The following PAK4 variants were observed in gnomAD, a reference collection of about 807,000 sequenced individuals.
PAK4 encodes the protein serine/threonine-protein kinase PAK 4.
PAK4 carries 49 observed loss-of-function variants against 53.5 expected under a neutral mutation model. That is an observed-to-expected ratio of 0.92 (90% CI 0.73 to 1.16). The LOEUF is 1.16. PAK4 is among the 50% of genes most tolerant of loss of function. The pLI is 0.00. For missense variants in PAK4, 824 were observed against 850.7 expected, an observed-to-expected ratio of 0.97 and a Z score of 0.39; for synonymous variants, 376 against 375.6, an observed-to-expected ratio of 1.00 and a Z score of -0.01.
Position 39,173,911 on chromosome 19 carries a change from C to T in PAK4, c.999C>T (p.Gly333=), listed in dbSNP as rs1381076017. 1 of 1,611,892 alleles carries T rather than the reference C, an allele frequency of 6.2e-7. No individual in the cohort carries two copies. The highest frequency in any genetic ancestry group is 8.5e-7 in the Non-Finnish European group (1 of 1,179,620). ...TCAAGATTGGCGAGGGCTCCACGGG[C>T]ATCGTGTGCATCGCCACCGTGCGCA... The change falls in exon 4 of 9, where the codon GGC becomes GGT. Residue 333 remains glycine, a synonymous_variant. Coordinates refer to ENST00000358301, the Ensembl canonical transcript of PAK4. The surrounding 1 kb of genome is among the most constrained non-coding windows in gnomAD (Gnocchi z 6.9).
intron 1 of PAK4, among the ~76,000 whole-genome samples, chr19:39,147,952 C>T (rs2074029714): frequency 1.4e-5 from 1 of 71,960 alleles, no homozygotes; most frequent in Non-Finnish European, 2.8e-5. Flanking sequence ...TCTATTCTCT[C>T]TCTTTTTTTT....
intron 1 of PAK4, among the ~76,000 whole-genome samples, chr19:39,159,265 G>A (rs1340851759): frequency 1.3e-5 from 2 of 152,318 alleles, no homozygotes; most frequent in Middle Eastern, 3.4e-3. Context: ...GCAGTGGCTA[G>A]GAGAGACAGG....
At chr19:39,166,108 A>G (rs1461972230) in intron 1 of PAK4, among the ~76,000 whole-genome samples, 1 of 152,162 alleles carries the variant, frequency 6.6e-6, no homozygotes, top group Non-Finnish European at 1.5e-5. Flanking sequence ...TCTGATCCCA[A>G]CCACTGTCTC....
intron 1 of PAK4, chr19:39,167,860 C>A (rs2144809203): frequency 6.6e-6 from 1 of 152,436 alleles, no homozygotes; most frequent in East Asian, 1.9e-4. Context: ...TGTCCTCTCA[C>A]TAGGGCTACA....
intron 1 of PAK4, among the ~76,000 whole-genome samples, chr19:39,140,383 TCTGA>T (rs2073890189): frequency 6.6e-6 from 1 of 152,082 alleles, no homozygotes; most frequent in African/African-American, 2.4e-5. Flanking sequence ...CAACACACCA[TCTGA>T]CTGACAGTCC....
At chr19:39,163,260 G>A (rs1173093388) in intron 1 of PAK4, among the ~76,000 whole-genome samples, 2 of 152,094 alleles carry the variant, frequency 1.3e-5, no homozygotes, top group Non-Finnish European at 2.9e-5. Flanking sequence ...TTCCTGATTC[G>A]AGTTTCATTT....
rs559831500 is a variant in PAK4 at position 39,178,405 on chromosome 19, C to G, written c.1621-19C>G. On this transcript the variant is annotated intron_variant, in intron 8 of 8. Transcript: ENST00000358301. The surrounding 1 kb of genome is among the most constrained non-coding windows in gnomAD (Gnocchi z 4.4). ...CAGTGGGGAGCCTCGCCCCCTGACC[C>G]TCCCCTCCTTCTCGACAGGTGTCGC... The G allele has an allele frequency of 6.4e-7, 1 of 1,569,690 alleles. No homozygotes were observed. Among genetic ancestry groups the G allele is most frequent in the African/African-American group, 1.4e-5 (1 of 73,798 alleles).
intron 1 of PAK4, among the ~76,000 whole-genome samples, chr19:39,144,166 T>TAGA (rs1568503709): frequency 6.7e-5 from 9 of 134,768 alleles, no homozygotes; most frequent in Non-Finnish European, 1.1e-4. Flanking sequence ...ATAGATTAGA[T>TAGA]TAGATAGATA....
At chr19:39,126,003 C>T in intron 1 of PAK4, 84 bp downstream of exon 1, 1 of 152,990 alleles carries the variant, frequency 6.5e-6, no homozygotes, top group Non-Finnish European at 1.5e-5. Flanking sequence ...GGGGGCGGGG[C>T]CGCCGGGGTC....
intron 1 of PAK4, among the ~76,000 whole-genome samples, chr19:39,150,902 G>A (rs560165491): frequency 1.8e-3 from 271 of 152,196 alleles, no homozygotes; most frequent in African/African-American, 6.2e-3. Flanking sequence ...CATTTTTTGC[G>A]TGTGGTGCTT....
chr19:39,181,287 G>A (rs113368042), downstream of PAK4: 5,104 of 152,408 alleles, frequency 0.033, 183 homozygotes, highest in African/African-American at 0.089. Flanking sequence ...GGCGTGGGGT[G>A]AAAGCTGCCC....
chr19:39,178,017 T>C lies in PAK4; in HGVS notation c.1620+208T>C, dbSNP rs2304090. Among the ~76,000 whole-genome samples the C allele has an allele frequency of 0.34, 52,302 of 151,858 alleles. 9,121 individuals are homozygous for C. The highest frequency in any genetic ancestry group is 0.38 in the Middle Eastern group (112 of 294). On this transcript the variant is annotated intron_variant, in intron 8 of 8. Coordinates refer to ENST00000358301, the Ensembl canonical transcript of PAK4. This position sits in a 1 kb window ranked among gnomAD's most constrained non-coding sequence, Gnocchi z 4.4. ...ACAGAGGCAGCAGAGCCACAGGCCC[T>C]CTGCACCCTCACCATTGCCCTGGGC...
chr19:39,150,148 T>A (rs142415941), intron 1 of PAK4, among the ~76,000 whole-genome samples: 3 of 152,068 alleles, frequency 2.0e-5, no homozygotes, highest in Admixed American at 2.0e-4. Context: ...TTGGTGTAGA[T>A]CTGTTTCTGA....
intron 1 of PAK4, among the ~76,000 whole-genome samples, chr19:39,147,501 C>G (rs1416669570): frequency 6.6e-6 from 1 of 152,170 alleles, no homozygotes; most frequent in Non-Finnish European, 1.5e-5. Context: ...TTTTGTTTCT[C>G]TGGGGCCAAT....
intron 1 of PAK4, among the ~76,000 whole-genome samples, chr19:39,150,449 G>T (rs1456455542): frequency 6.6e-6 from 1 of 152,128 alleles, no homozygotes; most frequent in African/African-American, 2.4e-5. Context: ...GGTAGACATA[G>T]CCCAGGTCTG....
At chr19:39,159,290 G>C (rs1360309075) in intron 1 of PAK4, among the ~76,000 whole-genome samples, 1 of 152,176 alleles carries the variant, frequency 6.6e-6, no homozygotes, top group African/African-American at 2.4e-5. Context: ...GTCCTCGTGG[G>C]GCTGCCCGTT....
At chr19:39,166,251 C>T (rs2074373846) in intron 1 of PAK4, among the ~76,000 whole-genome samples, 1 of 152,238 alleles carries the variant, frequency 6.6e-6, no homozygotes. Flanking sequence ...TCAGACCAGC[C>T]TGGCCAACAT....
intron 1 of PAK4, among the ~76,000 whole-genome samples, chr19:39,142,539 T>G (rs1391179315): frequency 1.3e-5 from 2 of 152,208 alleles, no homozygotes; most frequent in Non-Finnish European, 2.9e-5. Flanking sequence ...ACCAAAGGAC[T>G]GAGGCTCGGG....
rs976926701 is a variant in PAK4 at position 39,161,908 on chromosome 19, C to T, written c.-22-7624C>T. Among the ~76,000 whole-genome samples the T allele has an allele frequency of 6.6e-6, 1 of 152,054 alleles. No homozygotes were observed. The highest frequency in any genetic ancestry group is 2.4e-5 in the African/African-American group (1 of 41,378). ...CCCTCCTCACGCAGGTCCCTGCTCA[C>T]GTGTCCCCTTCTCAGCAAGGCCTGC... is the stretch of plus-strand genomic sequence containing the variant. On this transcript the variant is annotated intron_variant, in intron 1 of 8. Coordinates refer to ENST00000358301, the Ensembl canonical transcript of PAK4. The surrounding 1 kb of genome is among the most constrained non-coding windows in gnomAD (Gnocchi z 4.5).
Sources: allele counts gnomAD v4.1 joint callset (sites outside exome capture counted in the v4.1 genomes callset), GRCh38; gene constraint gnomAD v4.1.1; non-coding constraint Gnocchi (gnomAD v3.1); transcripts MANE v1.5; gene names NCBI Gene and HGNC (gene_info 2026-07-23, HGNC 2026-07-21).